The following TAFA4 variants were observed in gnomAD, a reference collection of about 807,000 sequenced individuals.
TAFA4 encodes the protein TAFA chemokine like family member 4.
In TAFA4, 20 loss-of-function variants were observed where a neutral mutation model predicts 21.1. The observed-to-expected ratio is 0.95, with a 90% CI of 0.67 to 1.38. The LOEUF (loss-of-function observed/expected upper bound fraction) is 1.38, where lower values mean the gene tolerates loss of function less well. TAFA4 is among the 40% of genes most tolerant of loss of function. The pLI, the probability that TAFA4 is intolerant of heterozygous loss-of-function variation, is 0.00. For missense variants in TAFA4, 211 were observed against 180.9 expected, an observed-to-expected ratio of 1.17 and a Z score of -0.95; for synonymous variants, 71 against 67.4, an observed-to-expected ratio of 1.05 and a Z score of -0.26.
intron 3 of TAFA4, among the ~76,000 whole-genome samples, chr3:68,841,337 T>A (rs71302158): frequency 0.14 from 18,889 of 137,974 alleles, 4,761 homozygotes; most frequent in African/African-American, 0.28. Flanking sequence ...AAAAAAAAAA[T>A]AAAAAAAAAT....
intron 3 of TAFA4, among the ~76,000 whole-genome samples, chr3:68,862,722 C>T (rs1242819333): frequency 6.6e-6 from 1 of 151,974 alleles, no homozygotes; most frequent in African/African-American, 2.4e-5. Context: ...ATTTAAACCC[C>T]CTTGGGCTGG....
intron 3 of TAFA4, among the ~76,000 whole-genome samples, chr3:68,764,241 A>T (rs943969863): frequency 6.6e-6 from 1 of 152,120 alleles, no homozygotes; most frequent in African/African-American, 2.4e-5. Flanking sequence ...ATACCCCCAC[A>T]GAGAAAGAGG....
chr3:68,789,858 G>C (rs1436999125), intron 3 of TAFA4, among the ~76,000 whole-genome samples: 1 of 152,130 alleles, frequency 6.6e-6, no homozygotes, highest in Non-Finnish European at 1.5e-5. Flanking sequence ...TAAAACCGTG[G>C]TAACCTCTCA....
At chr3:68,782,228 G>A (rs180800223) in intron 3 of TAFA4, among the ~76,000 whole-genome samples, 13 of 152,178 alleles carry the variant, frequency 8.5e-5, no homozygotes, top group East Asian at 3.9e-4. Flanking sequence ...CCAAATGGTC[G>A]AGAAGCATAT....
chr3:68,927,487 T>C (rs1289935473), intron 1 of TAFA4, among the ~76,000 whole-genome samples: 4 of 152,252 alleles, frequency 2.6e-5, no homozygotes, highest in African/African-American at 9.6e-5. Context: ...GAATGTTCTA[T>C]TGCTTTCTAG....
chr3:68,919,469 A>T (rs2090037326), intron 1 of TAFA4, among the ~76,000 whole-genome samples: 1 of 152,146 alleles, frequency 6.6e-6, no homozygotes, highest in Non-Finnish European at 1.5e-5. Flanking sequence ...ACTTTTTGGG[A>T]CTGTAGTAAA....
intron 1 of TAFA4, among the ~76,000 whole-genome samples, chr3:68,905,799 G>A (rs1451353178): frequency 2.6e-5 from 4 of 152,212 alleles, no homozygotes; most frequent in African/African-American, 4.8e-5. Flanking sequence ...GGGGGTAAAC[G>A]TACCATGGAA....
At chr3:68,797,964 CACT>C (rs1258797844) in intron 3 of TAFA4, among the ~76,000 whole-genome samples, 1 of 152,154 alleles carries the variant, frequency 6.6e-6, no homozygotes, top group Non-Finnish European at 1.5e-5. Flanking sequence ...TTGTGCATTT[CACT>C]ACAATTTTTT....
intron 5 of TAFA4, among the ~76,000 whole-genome samples, chr3:68,735,586 AATT>A (rs1199450268): frequency 3.3e-5 from 5 of 152,082 alleles, no homozygotes; most frequent in East Asian, 1.9e-4. Flanking sequence ...GATAGCATTA[AATT>A]ATTATTATAT....
chr3:68,859,961 T>C (rs2089310082), intron 3 of TAFA4, among the ~76,000 whole-genome samples: 3 of 152,156 alleles, frequency 2.0e-5, no homozygotes, highest in Non-Finnish European at 4.4e-5. Context: ...ATGTACTCCA[T>C]TGTACCTGAG....
At chr3:68,744,824 A>C (rs887517070) in intron 4 of TAFA4, among the ~76,000 whole-genome samples, 2 of 152,232 alleles carry the variant, frequency 1.3e-5, no homozygotes, top group Non-Finnish European at 2.9e-5. Context: ...ATTATCTACC[A>C]GGTTTTTCGT....
intron 3 of TAFA4, among the ~76,000 whole-genome samples, chr3:68,863,685 A>G (rs113502503): frequency 7.9e-5 from 12 of 152,312 alleles, no homozygotes; most frequent in African/African-American, 2.6e-4. Flanking sequence ...CTTATTATTC[A>G]GAGCTGCACA....
intron 3 of TAFA4, among the ~76,000 whole-genome samples, chr3:68,863,174 TGGG>T (rs2089372777): frequency 6.6e-6 from 1 of 151,340 alleles, no homozygotes; most frequent in African/African-American, 2.4e-5. Context: ...CCCGGGAAGG[TGGG>T]GGTTGCAGTG....
chr3:68,846,105 G>C (rs1178270924), intron 3 of TAFA4, among the ~76,000 whole-genome samples: 1 of 152,090 alleles, frequency 6.6e-6, no homozygotes, highest in Non-Finnish European at 1.5e-5. Context: ...ATTCTGAAGA[G>C]TGTTTTCCAG....
At chr3:68,886,508 G>T (rs1310423338) in intron 1 of TAFA4, among the ~76,000 whole-genome samples, 1 of 152,076 alleles carries the variant, frequency 6.6e-6, no homozygotes, top group Non-Finnish European at 1.5e-5. Context: ...TCATCATAAT[G>T]AACTCCCCAC....
At chr3:68,900,981 G>A (rs1049078704) in intron 1 of TAFA4, among the ~76,000 whole-genome samples, 1 of 152,202 alleles carries the variant, frequency 6.6e-6, no homozygotes, top group Non-Finnish European at 1.5e-5. Context: ...GCCACCCATG[G>A]CTAATTCAAG....
At chr3:68,796,122 C>T (rs1703449883) in intron 3 of TAFA4, among the ~76,000 whole-genome samples, 1 of 152,106 alleles carries the variant, frequency 6.6e-6, no homozygotes, top group Non-Finnish European at 1.5e-5. Flanking sequence ...ACCCCTGTGG[C>T]CATCACCACT....
At chr3:68,765,678 C>A (rs1480917674) in intron 3 of TAFA4, among the ~76,000 whole-genome samples, 1 of 152,158 alleles carries the variant, frequency 6.6e-6, no homozygotes, top group African/African-American at 2.4e-5. Flanking sequence ...TAAGACCCCA[C>A]TAAAACCAAA....
rs546020796 is a variant in TAFA4 at position 68,816,240 on chromosome 3, C to T, written c.131-63222G>A. Among the ~76,000 whole-genome samples, 5 of 152,214 alleles carry T rather than the reference C, an allele frequency of 3.3e-5. No individual in the cohort carries two copies. The East Asian group carries it at 9.7e-4, about 29-fold the overall frequency. Reference sequence around the variant, plus strand: ...AAGTGACGAGTTAATGGGTGCAGCACACCAACATGGCACATGTATACATAT... The same window carrying T: ...AAGTGACGAGTTAATGGGTGCAGCATACCAACATGGCACATGTATACATAT... On this transcript the variant is annotated intron_variant, in intron 3 of 5. Transcript: ENST00000295569.
Sources: allele counts gnomAD v4.1 joint callset (sites outside exome capture counted in the v4.1 genomes callset), GRCh38; gene constraint gnomAD v4.1.1; transcripts MANE v1.5; gene names NCBI Gene and HGNC (gene_info 2026-07-23, HGNC 2026-07-21).